ZFPM2: variants seen among roughly 807,000 people sequenced by gnomAD.
ZFPM2 encodes the protein zinc finger protein, FOG family member 2.
In ZFPM2, 20 loss-of-function variants were observed where a neutral mutation model predicts 98.6. The ratio of observed to expected loss-of-function variants is 0.20; its 90% CI spans 0.14 to 0.29. The LOEUF is 0.29. Among genes scored for constraint, ZFPM2 ranks in the 10% least tolerant of loss-of-function variants. The pLI, the probability that ZFPM2 is intolerant of heterozygous loss-of-function variation, is 1.00. For missense variants in ZFPM2, 1,310 were observed against 1,388.6 expected (o/e 0.94, Z 0.90); for synonymous variants, 518 against 502.7 (o/e 1.03, Z -0.41).
chr8:105,774,943 G>C (rs1178343973), intron 5 of ZFPM2, among the ~76,000 whole-genome samples: 2 of 151,952 alleles, frequency 1.3e-5, no homozygotes, highest in Non-Finnish European at 2.9e-5. Context: ...GCAAACTGAG[G>C]CCTGCAAACA....
intron 3 of ZFPM2, among the ~76,000 whole-genome samples, chr8:105,473,303 C>A (rs1333933594): frequency 6.6e-6 from 1 of 152,140 alleles, no homozygotes; most frequent in Non-Finnish European, 1.5e-5. Context: ...GTAGTTTATA[C>A]AATTCATTTA....
intron 4 of ZFPM2, among the ~76,000 whole-genome samples, chr8:105,630,556 G>A (rs1816738483): frequency 6.6e-6 from 1 of 151,848 alleles, no homozygotes; most frequent in South Asian, 2.1e-4. Context: ...ACAATAAATT[G>A]TTTTCTCAAT....
At chr8:105,457,949 A>G (rs966508623) in intron 3 of ZFPM2, among the ~76,000 whole-genome samples, 3 of 152,202 alleles carry the variant, frequency 2.0e-5, no homozygotes, top group African/African-American at 7.2e-5. Flanking sequence ...TCTACCAACT[A>G]TATAAAGGCA....
intron 3 of ZFPM2, among the ~76,000 whole-genome samples, chr8:105,543,401 A>T (rs1450183143): frequency 6.6e-6 from 1 of 152,118 alleles, no homozygotes; most frequent in Non-Finnish European, 1.5e-5. Flanking sequence ...CGGGAGGATC[A>T]CTTGAACCCA....
chr8:105,373,403 T>G (rs1216129584), intron 1 of ZFPM2, among the ~76,000 whole-genome samples: 1 of 152,208 alleles, frequency 6.6e-6, no homozygotes, highest in Non-Finnish European at 1.5e-5. Context: ...TTCTCTCTAT[T>G]AAACTTCCAT....
At chr8:105,515,911 C>CTTTTTTTTTTTTTT (rs34183654) in intron 3 of ZFPM2, among the ~76,000 whole-genome samples, 1 of 89,282 alleles carries the variant, frequency 1.1e-5, no homozygotes, top group Non-Finnish European at 2.0e-5. Context: ...AAAACAACTT[C>CTTTTTTTTTTTTTT]TTTTTTTTTT....
chr8:105,702,742 C>T (rs1176937795), intron 5 of ZFPM2, among the ~76,000 whole-genome samples: 2 of 152,132 alleles, frequency 1.3e-5, no homozygotes, highest in East Asian at 1.9e-4. Flanking sequence ...CTAGAAAAAT[C>T]GGATCATGGA....
At chr8:105,529,579 ATTT>A (rs35183035) in intron 3 of ZFPM2, among the ~76,000 whole-genome samples, 3 of 136,670 alleles carry the variant, frequency 2.2e-5, no homozygotes, top group African/African-American at 2.7e-5. Flanking sequence ...AACTCTCAGC[ATTT>A]TTTTTTTTTT....
rs2130908900 is a variant in ZFPM2 at position 105,673,723 on chromosome 8, G to A, written c.532+39366G>A. Among the ~76,000 whole-genome samples, 3 of 152,266 alleles carry A rather than the reference G, an allele frequency of 2.0e-5. No homozygotes were observed. In the South Asian group the frequency reaches 6.2e-4, roughly 32 times the overall value. On this transcript the variant is annotated intron_variant, in intron 5 of 7. Coordinates refer to ENST00000407775, the MANE Select transcript of ZFPM2 (RefSeq NM_012082.4). ...ATTAGGCATTATGCTCAAAACAAGAGTTTATTTAGGATGAGAGATAGAATT... is the reference window on the plus strand; with the variant it reads ...ATTAGGCATTATGCTCAAAACAAGAATTTATTTAGGATGAGAGATAGAATT...
Position 105,604,032 on chromosome 8 carries a change from G to T in ZFPM2, c.421-30214G>T, listed in dbSNP as rs142797633. 3.3e-5 allele frequency among the ~76,000 whole-genome samples: 5 copies of T among 152,032 alleles called. No homozygotes were observed. In the South Asian group the frequency reaches 1.0e-3, roughly 32 times the overall value. ...TAAAGCCAAATTTAAATCCCCGCCC[G>T]AATCTCTCATCTGAGATCCAGACTC... On this transcript the variant is annotated intron_variant, in intron 4 of 7. Transcript: ENST00000407775.
At chr8:105,795,791 G>T (rs1313943157) in intron 6 of ZFPM2, 1 of 491,658 alleles carries the variant, frequency 2.0e-6, no homozygotes. Flanking sequence ...CAGTCGTCTG[G>T]AGTCCCAAGA....
At chr8:105,602,864 G>A (rs1444464718) in intron 4 of ZFPM2, among the ~76,000 whole-genome samples, 1 of 152,000 alleles carries the variant, frequency 6.6e-6, no homozygotes, top group Non-Finnish European at 1.5e-5. Context: ...TGTCTTTCTT[G>A]TTCTTATTGT....
At chr8:105,554,330 C>A in intron 3 of ZFPM2, among the ~76,000 whole-genome samples, 1 of 152,150 alleles carries the variant, frequency 6.6e-6, no homozygotes, top group East Asian at 1.9e-4. Context: ...AATGATCTAA[C>A]CCTCTTAGGT....
chr8:105,695,599 G>A (rs1811000518), intron 5 of ZFPM2, among the ~76,000 whole-genome samples: 1 of 151,982 alleles, frequency 6.6e-6, no homozygotes, highest in Admixed American at 6.6e-5. Context: ...GTTTTGTTAA[G>A]TGCAGTCACC....
At chr8:105,322,573 T>G (rs1277868968) in intron 1 of ZFPM2, among the ~76,000 whole-genome samples, 1 of 152,108 alleles carries the variant, frequency 6.6e-6, no homozygotes, top group Admixed American at 6.5e-5. Context: ...GCACTCTTCT[T>G]TATACCATAA....
At chr8:105,721,508 T>A (rs999028939) in intron 5 of ZFPM2, among the ~76,000 whole-genome samples, 1 of 151,910 alleles carries the variant, frequency 6.6e-6, no homozygotes, top group African/African-American at 2.4e-5. Flanking sequence ...TAATATCAAA[T>A]CACTTTTTTT....
intron 5 of ZFPM2, among the ~76,000 whole-genome samples, chr8:105,743,748 TTAAG>T (rs917467914): frequency 2.0e-5 from 3 of 152,086 alleles, no homozygotes; most frequent in African/African-American, 7.2e-5. Flanking sequence ...TGCTCTTCCT[TTAAG>T]TTAGTTTTCC....
intron 5 of ZFPM2, among the ~76,000 whole-genome samples, chr8:105,664,972 C>T (rs944753557): frequency 2.0e-5 from 3 of 152,042 alleles, no homozygotes; most frequent in African/African-American, 7.2e-5. Context: ...TGTTTTAGTT[C>T]ATTTTCTCTT....
intron 4 of ZFPM2, among the ~76,000 whole-genome samples, chr8:105,618,105 C>T (rs1162067627): frequency 6.6e-6 from 1 of 152,080 alleles, no homozygotes; most frequent in Non-Finnish European, 1.5e-5. Flanking sequence ...TGTAATTAGC[C>T]TATACAAAGT....
Sources: gnomAD v4.1 joint callset for allele counts (sites outside exome capture counted in the v4.1 genomes callset) on GRCh38, gnomAD v4.1.1 for gene constraint, MANE v1.5 for transcripts, NCBI Gene and HGNC (gene_info 2026-07-23, HGNC 2026-07-21) for gene names.